Variants in B3GALNT1 observed in about 807,000 individuals in gnomAD.
B3GALNT1 encodes beta-1,3-N-acetylgalactosaminyltransferase 1 (Globoside blood group).
Under a neutral mutation model 27.3 loss-of-function variants are expected in B3GALNT1, and 17 were observed. The ratio of observed to expected loss-of-function variants is 0.62; its 90% CI spans 0.43 to 0.94. The LOEUF is 0.94. Among genes scored for constraint, B3GALNT1 ranks in the 40% least tolerant of loss-of-function variants. The probability of loss-of-function intolerance (pLI) is 0.00; values close to 1 mark genes in which losing one functional copy is unlikely to be tolerated. For missense variants in B3GALNT1, 347 were observed against 390.0 expected (o/e 0.89, Z 0.93); for synonymous variants, 141 against 144.0 (o/e 0.98, Z 0.15).
chr3:161,098,284 C>A (rs913322147), intron 4 of B3GALNT1, among the ~76,000 whole-genome samples: 5 of 152,158 alleles, frequency 3.3e-5, no homozygotes, highest in African/African-American at 1.2e-4. Flanking sequence ...ATTCACCACC[C>A]CAAGTGGAGT....
intron 4 of B3GALNT1, among the ~76,000 whole-genome samples, chr3:161,088,804 T>C (rs189856874): frequency 6.6e-6 from 1 of 152,324 alleles, no homozygotes; most frequent in African/African-American, 2.4e-5. Flanking sequence ...CATTTATAAT[T>C]GCATATGGAT....
intron 3 of B3GALNT1, among the ~76,000 whole-genome samples, chr3:161,101,835 G>A (rs35985783): frequency 0.028 from 4,267 of 152,226 alleles, 206 homozygotes; most frequent in African/African-American, 0.098. Context: ...TAGAAAGTGC[G>A]TAACTCCATT....
In B3GALNT1 at chr3:161,093,197, C is replaced by T. The variant is rs540046490; in HGVS notation, c.-34-6409G>A. On this transcript the variant is annotated intron_variant, in intron 4 of 4. Coordinates refer to ENST00000320474, the MANE Select transcript of B3GALNT1 (RefSeq NM_003781.4). ...CTTAATGGTTTCTGAATATTCCCAA[C>T]ATAAAGAAATGATAAATTTTTGAGG... Among the ~76,000 whole-genome samples the T allele has an allele frequency of 2.6e-5, 4 of 152,244 alleles. No homozygotes were observed. The East Asian group carries it at 7.7e-4, about 29-fold the overall frequency.
chr3:161,095,331 T>A (rs113474126), intron 4 of B3GALNT1, among the ~76,000 whole-genome samples: 194 of 152,292 alleles, frequency 1.3e-3, no homozygotes, highest in African/African-American at 4.4e-3. Context: ...TTATTTTCTA[T>A]CACATCCCTC....
chr3:161,103,586 G>T, intron 2 of B3GALNT1, 69 bp from the exon 3 acceptor site: 1 of 550,924 alleles, frequency 1.8e-6, no homozygotes, highest in Non-Finnish European at 2.7e-6. Flanking sequence ...TAAAATCAAT[G>T]TTGTATACTT....
intron 4 of B3GALNT1, among the ~76,000 whole-genome samples, chr3:161,095,315 C>T (rs1257772390): frequency 1.3e-5 from 2 of 152,170 alleles, no homozygotes; most frequent in Non-Finnish European, 2.9e-5. Flanking sequence ...GTAGTTCCCC[C>T]AGCACTTATT....
rs190202546 is a variant in B3GALNT1 at position 161,102,578 on chromosome 3, A to G, written c.-130+849T>C. ...ATAATATACAATTTTTTATTAGTAT[A>G]AAAGCATTGTCCATAGTCCCAAGAG... On this transcript the variant is annotated intron_variant, in intron 3 of 4. Coordinates refer to ENST00000320474, the MANE Select transcript of B3GALNT1 (RefSeq NM_003781.4). Among the ~76,000 whole-genome samples, 237 of 152,358 alleles carry G rather than the reference A, an allele frequency of 1.6e-3. 1 individual carries two copies. Among genetic ancestry groups the G allele is most frequent in the African/African-American group, 5.0e-3 (209 of 41,586 alleles).
At chr3:161,088,474 C>T (rs1205578255) in intron 4 of B3GALNT1, among the ~76,000 whole-genome samples, 1 of 152,148 alleles carries the variant, frequency 6.6e-6, no homozygotes, top group African/African-American at 2.4e-5. Flanking sequence ...TATGCTATCT[C>T]CATTTGTAAA....
At chr3:161,090,917 A>AG (rs1454311183) in intron 4 of B3GALNT1, among the ~76,000 whole-genome samples, 1 of 152,218 alleles carries the variant, frequency 6.6e-6, no homozygotes, top group African/African-American at 2.4e-5. Flanking sequence ...AATCATCTAT[A>AG]GTTCAGAGGA....
At chr3:161,089,730 C>A (rs925662546) in intron 4 of B3GALNT1, among the ~76,000 whole-genome samples, 1 of 151,964 alleles carries the variant, frequency 6.6e-6, no homozygotes, top group African/African-American at 2.4e-5. Context: ...TATAAATGTG[C>A]TGTTAATTAA....
At chr3:161,105,063 G>C (rs1252550469) in intron 1 of B3GALNT1, 172 bp downstream of exon 1, 2 of 152,144 alleles carry the variant, frequency 1.3e-5, no homozygotes, top group African/African-American at 4.8e-5. Flanking sequence ...GCTCAACCTG[G>C]GCCACGCTCC....
intron 4 of B3GALNT1, among the ~76,000 whole-genome samples, chr3:161,098,771 G>A (rs1729598886): frequency 6.6e-6 from 1 of 152,158 alleles, no homozygotes; most frequent in Non-Finnish European, 1.5e-5. Flanking sequence ...AAATAACCCT[G>A]AATAAGTTGC....
At chr3:161,093,074 G>T (rs1270961151) in intron 4 of B3GALNT1, among the ~76,000 whole-genome samples, 1 of 151,978 alleles carries the variant, frequency 6.6e-6, no homozygotes, top group African/African-American at 2.4e-5. Flanking sequence ...TCATTTTTCA[G>T]CTATAAATCA....
At chr3:161,096,538 AC>A (rs1202596801) in intron 4 of B3GALNT1, among the ~76,000 whole-genome samples, 1 of 152,224 alleles carries the variant, frequency 6.6e-6, no homozygotes, top group African/African-American at 2.4e-5. Context: ...TCATCATTAC[AC>A]CAATCATGTA....
At chr3:161,095,659 C>A (rs759916066) in intron 4 of B3GALNT1, among the ~76,000 whole-genome samples, 1 of 152,018 alleles carries the variant, frequency 6.6e-6, no homozygotes, top group Non-Finnish European at 1.5e-5. Context: ...GGACTTATGC[C>A]CAGAGGGAAA....
Position 161,095,547 on chromosome 3 carries a change from T to C in B3GALNT1, c.-35+5592A>G, listed in dbSNP as rs36104958. On this transcript the variant is annotated intron_variant, in intron 4 of 4. Coordinates refer to ENST00000320474, the MANE Select transcript of B3GALNT1 (RefSeq NM_003781.4). ...GCCCTGCTGATGCTGCCCATGGGGT[T>C]TGGGTTGGCTTGACATGGCTTGGAG... Among the ~76,000 whole-genome samples, 499 of 152,320 alleles carry C rather than the reference T, an allele frequency of 3.3e-3. 1 individual carries two copies. The highest frequency in any genetic ancestry group is 0.011 in the African/African-American group (474 of 41,576).
chr3:161,101,256 A>C, intron 3 of B3GALNT1, 23 bp from the exon 4 acceptor site: 1 of 1,277,624 alleles, frequency 7.8e-7, no homozygotes, highest in South Asian at 1.2e-5. Flanking sequence ...AAAGATCACA[A>C]AGTCAGGCAG....
chr3:161,096,281 T>C (rs1182611171), intron 4 of B3GALNT1, among the ~76,000 whole-genome samples: 5 of 152,222 alleles, frequency 3.3e-5, no homozygotes, highest in African/African-American at 9.6e-5. Context: ...CTTATTGTAA[T>C]AGGCTATGCT....
intron 4 of B3GALNT1, among the ~76,000 whole-genome samples, chr3:161,089,400 A>G (rs1364713204): frequency 6.6e-6 from 1 of 152,222 alleles, no homozygotes; most frequent in Non-Finnish European, 1.5e-5. Context: ...AAATGTAACT[A>G]AAATACTAGG....
Sources: allele counts gnomAD v4.1 joint callset (sites outside exome capture counted in the v4.1 genomes callset), GRCh38; gene constraint gnomAD v4.1.1; transcripts MANE v1.5; gene names NCBI Gene and HGNC (gene_info 2026-07-23, HGNC 2026-07-21).